APBB2: variants seen among roughly 807,000 people sequenced by gnomAD.
APBB2 encodes the protein amyloid beta precursor protein binding family B member 2, also known as Fe65-like 1.
APBB2 carries 38 observed loss-of-function variants against 82.5 expected under a neutral mutation model. The observed-to-expected ratio is 0.46, with a 90% confidence interval of 0.36 to 0.60. The LOEUF (loss-of-function observed/expected upper bound fraction) is 0.60, where lower values mean the gene tolerates loss of function less well. Ranked by LOEUF, APBB2 falls within the 20% of genes least tolerant of loss-of-function variation. The pLI, the probability that APBB2 is intolerant of heterozygous loss-of-function variation, is 0.00. For missense variants in APBB2, 772 were observed against 972.3 expected (o/e 0.79, Z 2.74); for synonymous variants, 341 against 368.2 (o/e 0.93, Z 0.85).
intron 12 of APBB2, among the ~76,000 whole-genome samples, chr4:40,834,212 C>T (rs574031330): frequency 2.0e-5 from 3 of 152,058 alleles, no homozygotes. Context: ...GTGGGTGAGT[C>T]CGGTAACTAA....
At chr4:41,061,316 C>T (rs975730117) in intron 4 of APBB2, among the ~76,000 whole-genome samples, 5 of 152,282 alleles carry the variant, frequency 3.3e-5, no homozygotes, top group Admixed American at 2.0e-4. Flanking sequence ...CATCGTTGGG[C>T]GATTTCATTG....
At chr4:41,135,621 G>T (rs1025008892) in intron 2 of APBB2, among the ~76,000 whole-genome samples, 15 of 152,080 alleles carry the variant, frequency 9.9e-5, no homozygotes, top group African/African-American at 3.4e-4. Context: ...TCTTGTATCA[G>T]TAATTATATT....
At position 40,940,071 on chromosome 4, in the gene APBB2, G is replaced by A. The variant is rs1039825077; in HGVS notation, c.1044+4794C>T. On this transcript the variant is annotated intron_variant, in intron 7 of 17. Coordinates refer to ENST00000508593, the MANE Select transcript of APBB2 (RefSeq NM_004307.2). ...ATTCAGCAAATAGTTAATGAATGTC[G>A]TCATGTACTGGGCCCTGTGCACAGG... 5.9e-5 allele frequency among the ~76,000 whole-genome samples: 9 copies of A among 152,086 alleles called. 1 individual carries two copies. The East Asian group carries it at 9.6e-4, about 16-fold the overall frequency.
At chr4:40,881,565 G>A (rs1367832720) in intron 12 of APBB2, 5 of 152,210 alleles carry the variant, frequency 3.3e-5, no homozygotes, top group Middle Eastern at 6.8e-3. Flanking sequence ...ACAGACTCTC[G>A]CTCTGTCACC....
At chr4:40,876,646 T>C (rs1428423055) in intron 12 of APBB2, among the ~76,000 whole-genome samples, 1 of 152,244 alleles carries the variant, frequency 6.6e-6, no homozygotes, top group Non-Finnish European at 1.5e-5. Context: ...CTGTATACTT[T>C]AATCTCTAGA....
intron 3 of APBB2, among the ~76,000 whole-genome samples, chr4:41,093,728 C>T (rs1472539125): frequency 2.0e-5 from 3 of 152,154 alleles, no homozygotes; most frequent in Non-Finnish European, 4.4e-5. Flanking sequence ...GTGGCGCACG[C>T]CTGTAATCCC....
intron 6 of APBB2, among the ~76,000 whole-genome samples, chr4:41,010,689 G>A (rs909298879): frequency 3.3e-5 from 5 of 152,070 alleles, no homozygotes; most frequent in African/African-American, 7.2e-5. Context: ...TAAATAAATC[G>A]TGGAACTTGT....
intron 1 of APBB2, among the ~76,000 whole-genome samples, chr4:41,165,255 C>G (rs1766204251): frequency 6.6e-6 from 1 of 152,116 alleles, no homozygotes; most frequent in Non-Finnish European, 1.5e-5. Context: ...ACCCGTCTTT[C>G]AAGGATGCTA....
intron 6 of APBB2, among the ~76,000 whole-genome samples, chr4:41,004,975 C>T (rs1443071291): frequency 6.6e-6 from 1 of 151,808 alleles, no homozygotes; most frequent in African/African-American, 2.4e-5. Flanking sequence ...ATGACCAATA[C>T]TGCTCAGTGA....
At chr4:41,181,248 A>G (rs1771251508) in intron 1 of APBB2, among the ~76,000 whole-genome samples, 1 of 152,176 alleles carries the variant, frequency 6.6e-6, no homozygotes, top group East Asian at 1.9e-4. Context: ...GGAAGTTGCC[A>G]GGGGCAAGGC....
chr4:41,006,766 A>G (rs1048827256), intron 6 of APBB2, among the ~76,000 whole-genome samples: 2 of 152,182 alleles, frequency 1.3e-5, no homozygotes, highest in Non-Finnish European at 2.9e-5. Flanking sequence ...GCGCCCAGCC[A>G]TGGGCCTAGT....
chr4:41,066,129 T>C (rs1255937081), intron 3 of APBB2, among the ~76,000 whole-genome samples: 1 of 106,624 alleles, frequency 9.4e-6, no homozygotes, highest in African/African-American at 3.3e-5. Context: ...AGATGTCATG[T>C]TGATTGGAAA....
intron 6 of APBB2, among the ~76,000 whole-genome samples, chr4:40,959,408 C>A (rs1429287269): frequency 6.6e-6 from 1 of 152,120 alleles, no homozygotes. Context: ...TTGGCAGGAT[C>A]TTCAATATGC....
intron 2 of APBB2, among the ~76,000 whole-genome samples, chr4:41,138,701 C>T (rs886379641): frequency 6.6e-6 from 1 of 152,148 alleles, no homozygotes; most frequent in African/African-American, 2.4e-5. Flanking sequence ...AACTCCAAAG[C>T]ACATAACTTT....
At chr4:41,195,553 C>G in intron 1 of APBB2, among the ~76,000 whole-genome samples, 1 of 152,194 alleles carries the variant, frequency 6.6e-6, no homozygotes. Context: ...ACCTCAGCAC[C>G]CCTAAAGTCT....
chr4:40,907,367 ATATATATATATATT>A (rs1560861033), intron 10 of APBB2, among the ~76,000 whole-genome samples: 45 of 71,590 alleles, frequency 6.3e-4, no homozygotes, highest in East Asian at 8.9e-4. Flanking sequence ...ATATATATAT[ATATATATATATATT>A]TTTTTTTTTT....
intron 4 of APBB2, among the ~76,000 whole-genome samples, chr4:41,062,165 T>A (rs934514860): frequency 7.7e-6 from 1 of 129,874 alleles, no homozygotes; most frequent in African/African-American, 4.7e-5. Flanking sequence ...ATCTTATTTA[T>A]TTATTTATTT....
chr4:41,162,198 CTTTT>C (rs563526597), intron 1 of APBB2, among the ~76,000 whole-genome samples: 1 of 135,784 alleles, frequency 7.4e-6, no homozygotes. Flanking sequence ...ATTTCCCCGT[CTTTT>C]TTTTTTTTTT....
chr4:40,825,791 G>T, intron 15 of APBB2, 96 bp downstream of exon 15: 1 of 881,792 alleles, frequency 1.1e-6, no homozygotes, highest in Non-Finnish European at 1.9e-6. Flanking sequence ...CAAGGCGTGA[G>T]AGTAAACAGC....
Sources: allele counts gnomAD v4.1 joint callset (sites outside exome capture counted in the v4.1 genomes callset), GRCh38; gene constraint gnomAD v4.1.1; transcripts MANE v1.5; gene names NCBI Gene and HGNC (gene_info 2026-07-23, HGNC 2026-07-21).